KCNMB2: variants seen among roughly 807,000 people sequenced by gnomAD.
The protein encoded by KCNMB2 is potassium calcium-activated channel subfamily M regulatory beta subunit 2.
A neutral mutation model predicts 24.5 loss-of-function variants in KCNMB2; 9 were observed. The observed-to-expected ratio is 0.37, with a 90% confidence interval of 0.22 to 0.64. The LOEUF is 0.64. Among genes scored for constraint, KCNMB2 ranks in the 30% least tolerant of loss-of-function variants. The probability of loss-of-function intolerance (pLI) is 0.63; values close to 1 mark genes in which losing one functional copy is unlikely to be tolerated. For synonymous variants in KCNMB2, 109 were observed against 104.4 expected, an observed-to-expected ratio of 1.04 and a Z score of -0.27; for missense variants, 226 against 284.3, an observed-to-expected ratio of 0.79 and a Z score of 1.47.
chr3:178,785,513 A>G (rs1242119437), intron 1 of KCNMB2, among the ~76,000 whole-genome samples: 1 of 152,052 alleles, frequency 6.6e-6, no homozygotes, highest in African/African-American at 2.4e-5. Flanking sequence ...AAAATTACAT[A>G]TTGACCGATT....
intron 4 of KCNMB2, 78 bp from the exon 5 acceptor site, chr3:178,842,575 G>T: frequency 1.1e-6 from 1 of 942,974 alleles, no homozygotes. Context: ...CACTAATTTG[G>T]ACACAATACT....
chr3:178,755,894 T>A (rs1006236768), intron 1 of KCNMB2, among the ~76,000 whole-genome samples: 4 of 152,150 alleles, frequency 2.6e-5, no homozygotes, highest in Non-Finnish European at 5.9e-5. Context: ...AGAAAGAAAT[T>A]ATGCCAGATA....
chr3:178,743,767 G>T (rs2108380225), intron 1 of KCNMB2, among the ~76,000 whole-genome samples: 1 of 152,310 alleles, frequency 6.6e-6, no homozygotes, highest in Admixed American at 6.5e-5. Flanking sequence ...TATCTCTGGA[G>T]CTCATGGCGC....
At chr3:178,810,774 G>A (rs1050094144) in intron 2 of KCNMB2, among the ~76,000 whole-genome samples, 13 of 151,400 alleles carry the variant, frequency 8.6e-5, no homozygotes, top group Admixed American at 3.3e-4. Context: ...TCGCTCTGTC[G>A]CCCAGGCTGG....
intron 4 of KCNMB2, 112 bp downstream of exon 4, chr3:178,828,485 A>G: frequency 1.4e-6 from 1 of 697,378 alleles, no homozygotes; most frequent in South Asian, 2.1e-5. Flanking sequence ...TCCAGGAAGC[A>G]GAGCCTGCCT....
chr3:178,588,198 C>A (rs1717528506), intron 1 of KCNMB2, among the ~76,000 whole-genome samples: 1 of 151,978 alleles, frequency 6.6e-6, no homozygotes, highest in South Asian at 2.1e-4. Flanking sequence ...ACCAGATGGA[C>A]CCTGCCTTTA....
At chr3:178,607,366 G>A (rs1718310521) in intron 1 of KCNMB2, among the ~76,000 whole-genome samples, 2 of 152,186 alleles carry the variant, frequency 1.3e-5, no homozygotes, top group Admixed American at 1.3e-4. Flanking sequence ...TGTGGATGGA[G>A]TATGTCAGTG....
At chr3:178,666,823 C>T (rs1449844361) in intron 1 of KCNMB2, among the ~76,000 whole-genome samples, 2 of 152,088 alleles carry the variant, frequency 1.3e-5, no homozygotes, top group East Asian at 1.9e-4. Context: ...AAAGTTCATA[C>T]AACAAAGTCC....
At chr3:178,636,797 G>C (rs142847219) in intron 1 of KCNMB2, among the ~76,000 whole-genome samples, 17 of 151,454 alleles carry the variant, frequency 1.1e-4, no homozygotes, top group African/African-American at 4.1e-4. Flanking sequence ...GTTTGTTACA[G>C]AGGTAAACAT....
intron 2 of KCNMB2, among the ~76,000 whole-genome samples, chr3:178,811,629 G>A (rs1044010197): frequency 6.6e-6 from 1 of 152,052 alleles, no homozygotes; most frequent in Non-Finnish European, 1.5e-5. Context: ...AGCAACATTT[G>A]CATTATTTCC....
At chr3:178,538,362 C>T (rs1021079926) in intron 1 of KCNMB2, among the ~76,000 whole-genome samples, 2 of 152,298 alleles carry the variant, frequency 1.3e-5, no homozygotes, top group South Asian at 2.1e-4. Context: ...GTCCCTTCTC[C>T]AGCCAACTGA....
intron 1 of KCNMB2, among the ~76,000 whole-genome samples, chr3:178,717,615 G>A (rs903744215): frequency 1.3e-5 from 2 of 152,148 alleles, no homozygotes; most frequent in Non-Finnish European, 2.9e-5. Flanking sequence ...TCCTGGAATT[G>A]AAATAGCTTC....
intron 1 of KCNMB2, among the ~76,000 whole-genome samples, chr3:178,799,502 T>C (rs1713689226): frequency 6.6e-6 from 1 of 151,940 alleles, no homozygotes; most frequent in Non-Finnish European, 1.5e-5. Flanking sequence ...ATGAAAACTA[T>C]AAAACAATGA....
chr3:178,762,898 C>A (rs1711967321), intron 1 of KCNMB2, among the ~76,000 whole-genome samples: 1 of 149,202 alleles, frequency 6.7e-6, no homozygotes, highest in Non-Finnish European at 1.5e-5. Flanking sequence ...TAATCAGAGT[C>A]CTGTTGGGAA....
intron 1 of KCNMB2, among the ~76,000 whole-genome samples, chr3:178,780,232 C>T (rs1489328466): frequency 5.9e-5 from 9 of 152,092 alleles, no homozygotes. Flanking sequence ...TTGATAGATG[C>T]CCTGCTATCT....
At chr3:178,799,131 G>A (rs992018573) in intron 1 of KCNMB2, among the ~76,000 whole-genome samples, 3 of 152,168 alleles carry the variant, frequency 2.0e-5, no homozygotes, top group African/African-American at 4.8e-5. Context: ...CACCAAGGAT[G>A]CCTACTTTCA....
intron 1 of KCNMB2, among the ~76,000 whole-genome samples, chr3:178,722,186 T>C (rs1476111620): frequency 1.3e-5 from 2 of 152,200 alleles, no homozygotes; most frequent in African/African-American, 2.4e-5. Flanking sequence ...ACCTATCATA[T>C]ATTTTTAGTT....
At chr3:178,537,852 C>A (rs1715461508) in intron 1 of KCNMB2, among the ~76,000 whole-genome samples, 1 of 152,082 alleles carries the variant, frequency 6.6e-6, no homozygotes, top group South Asian at 2.1e-4. Flanking sequence ...CTGAAAAACT[C>A]TGTATTCTGA....
rs1183987213 is a variant in KCNMB2 at position 178,758,632 on chromosome 3, CTCTCTCTCCAAGAGGATATATATATA to C, written c.-67-48683_-67-48658del. 8.2e-4 allele frequency among the ~76,000 whole-genome samples: 5 copies of C among 6,068 alleles called. 1 individual carries two copies. Among genetic ancestry groups the C allele is most frequent in the African/African-American group, 7.9e-3 (5 of 630 alleles). 4.0% of individuals were successfully genotyped at this position (6,068 alleles called of 152,430 possible). A position where few individuals can be genotyped will look rare whatever the true frequency, so the allele number is the denominator to read the frequency against. On this transcript the variant is annotated intron_variant, in intron 1 of 4. Coordinates refer to ENST00000452583, the MANE Select transcript of KCNMB2 (RefSeq NM_181361.3). ...TCCAAGAGGATATATATATATATAT[CTCTCTCTCCAAGAGGATATATATATA>C]TCTCTCTCCAAGAGGATATATATAT...
Sources: gnomAD v4.1 joint callset for allele counts (sites outside exome capture counted in the v4.1 genomes callset) on GRCh38, gnomAD v4.1.1 for gene constraint, MANE v1.5 for transcripts, NCBI Gene and HGNC (gene_info 2026-07-23, HGNC 2026-07-21) for gene names.